The following FGF14 variants were observed in gnomAD, a reference collection of about 807,000 sequenced individuals.
FGF14 encodes fibroblast growth factor 14.
In FGF14, 5 loss-of-function variants were observed where a neutral mutation model predicts 25.5. The observed-to-expected ratio is 0.20, with a 90% CI of 0.10 to 0.41. FGF14 has a LOEUF of 0.41. Ranked by LOEUF, FGF14 falls within the 10% of genes least tolerant of loss-of-function variation. FGF14 has a pLI of 1.00. For synonymous variants in FGF14, 138 were observed against 118.3 expected, an observed-to-expected ratio of 1.17 and a Z score of -1.08; for missense variants, 222 against 320.1, an observed-to-expected ratio of 0.69 and a Z score of 2.34.
chr13:101,776,195 T>C (rs1432217592), intron 3 of FGF14, among the ~76,000 whole-genome samples: 1 of 152,180 alleles, frequency 6.6e-6, no homozygotes, highest in Non-Finnish European at 1.5e-5. Flanking sequence ...TCTTTCTGCA[T>C]CATCTCTCTG....
intron 1 of FGF14, among the ~76,000 whole-genome samples, chr13:102,380,644 T>C (rs1347095273): frequency 6.6e-6 from 1 of 152,200 alleles, no homozygotes. Flanking sequence ...AATCAAGGAA[T>C]GTTTACGTTT....
At chr13:101,849,499 C>A (rs2043636293) in intron 3 of FGF14, among the ~76,000 whole-genome samples, 1 of 152,016 alleles carries the variant, frequency 6.6e-6, no homozygotes, top group African/African-American at 2.4e-5. Flanking sequence ...GGCACAGGGG[C>A]ACTGATGTAG....
intron 1 of FGF14, among the ~76,000 whole-genome samples, chr13:101,892,856 G>C (rs568566359): frequency 6.6e-6 from 1 of 152,138 alleles, no homozygotes; most frequent in African/African-American, 2.4e-5. Context: ...GCATCACCAC[G>C]GAATGAGGAT....
At chr13:102,218,576 T>G (rs536719589) in intron 1 of FGF14, among the ~76,000 whole-genome samples, 2 of 152,094 alleles carry the variant, frequency 1.3e-5, no homozygotes, top group Non-Finnish European at 1.5e-5. Context: ...TGGTGGTCAA[T>G]GATGGGGTTC....
rs529007900 is a variant in FGF14, at chr13:102,391,352, GTTAGTATCCCCC to G, written c.208+10107_208+10118del. Among the ~76,000 whole-genome samples the G allele has an allele frequency of 3.0e-4, 46 of 152,286 alleles. 1 individual carries two copies. In the South Asian group the frequency reaches 9.3e-3, roughly 31 times the overall value. On this transcript the variant is annotated intron_variant, in intron 1 of 4. Transcript: ENST00000376131. The stretch of plus-strand genomic sequence containing the variant: ...TACTAACTATAGCATTCATGTCACA[GTTAGTATCCCCC>G]ATACAGAGTCACATCTGCCACACAT...
chr13:101,948,831 G>A (rs1348602327), intron 1 of FGF14, among the ~76,000 whole-genome samples: 1 of 152,104 alleles, frequency 6.6e-6, no homozygotes, highest in Non-Finnish European at 1.5e-5. Context: ...GGAAATGCTA[G>A]CTCAACTTTG....
intron 1 of FGF14, among the ~76,000 whole-genome samples, chr13:101,948,604 T>C (rs1025820058): frequency 6.6e-5 from 10 of 151,930 alleles, no homozygotes; most frequent in African/African-American, 2.4e-4. Context: ...GTAATGATAG[T>C]AAATGGGTTC....
At chr13:101,776,102 C>A (rs1571357) in intron 3 of FGF14, among the ~76,000 whole-genome samples, 136,413 of 152,080 alleles carry the variant, frequency 0.9, 62,767 homozygotes, top group Non-Finnish European at 0.99. Context: ...TATAGATGAA[C>A]ATTACACATA....
At chr13:101,871,412 C>A (rs2045073723) in intron 2 of FGF14, among the ~76,000 whole-genome samples, 1 of 152,066 alleles carries the variant, frequency 6.6e-6, no homozygotes, top group Non-Finnish European at 1.5e-5. Context: ...TGAAAAGCTC[C>A]TCAAATAACC....
At chr13:101,767,692 G>C (rs1332984249) in intron 3 of FGF14, among the ~76,000 whole-genome samples, 2 of 152,154 alleles carry the variant, frequency 1.3e-5, no homozygotes, top group African/African-American at 4.8e-5. Context: ...TTTTGGAGTA[G>C]AGGGAGTAGT....
intron 3 of FGF14, among the ~76,000 whole-genome samples, chr13:101,829,380 A>T (rs1008215763): frequency 6.6e-6 from 1 of 152,116 alleles, no homozygotes; most frequent in African/African-American, 2.4e-5. Flanking sequence ...AAGCAACCAT[A>T]ATAAGAGAAT....
intron 3 of FGF14, among the ~76,000 whole-genome samples, chr13:101,863,538 A>G (rs1012318159): frequency 6.6e-6 from 1 of 152,176 alleles, no homozygotes; most frequent in Non-Finnish European, 1.5e-5. Context: ...TTTTATGAGA[A>G]TCGGCATGTA....
intron 1 of FGF14, among the ~76,000 whole-genome samples, chr13:102,295,783 A>T (rs1594763562): frequency 6.6e-6 from 1 of 152,158 alleles, no homozygotes; most frequent in South Asian, 2.1e-4. Flanking sequence ...GGCAGCGACC[A>T]AGAAAATGAC....
chr13:102,320,924 A>AT (rs1379011226), intron 1 of FGF14, among the ~76,000 whole-genome samples: 6 of 152,186 alleles, frequency 3.9e-5, no homozygotes, highest in Non-Finnish European at 8.8e-5. Flanking sequence ...TCTACATAAA[A>AT]TAGACTCCCA....
chr13:102,211,897 C>T (rs1461111455), intron 1 of FGF14, among the ~76,000 whole-genome samples: 1 of 152,188 alleles, frequency 6.6e-6, no homozygotes, highest in Non-Finnish European at 1.5e-5. Flanking sequence ...CTTCTTGGTT[C>T]AATTTGACAT....
At chr13:101,953,560 G>A (rs191785416) in intron 1 of FGF14, among the ~76,000 whole-genome samples, 1,770 of 142,706 alleles carry the variant, frequency 0.012, 33 homozygotes, top group African/African-American at 0.046. Context: ...ATATATATAT[G>A]TGTGTGTGTG....
chr13:102,230,361 A>C (rs2051023973), intron 1 of FGF14, among the ~76,000 whole-genome samples: 1 of 152,254 alleles, frequency 6.6e-6, no homozygotes, highest in African/African-American at 2.4e-5. Flanking sequence ...AAAGTTAAGA[A>C]GATAACCTTT....
At chr13:101,981,884 A>T (rs2038289200) in intron 1 of FGF14, among the ~76,000 whole-genome samples, 3 of 152,212 alleles carry the variant, frequency 2.0e-5, no homozygotes, top group Admixed American at 2.0e-4. Context: ...GCAAGAGAGA[A>T]GCTAGTGGAA....
At chr13:101,863,522 G>A (rs1170813203) in intron 3 of FGF14, among the ~76,000 whole-genome samples, 2 of 152,138 alleles carry the variant, frequency 1.3e-5, no homozygotes, top group Non-Finnish European at 2.9e-5. Flanking sequence ...AGTAAATAGT[G>A]AACATTTTTA....
Sources: gnomAD v4.1 joint callset for allele counts (sites outside exome capture counted in the v4.1 genomes callset) on GRCh38, gnomAD v4.1.1 for gene constraint, MANE v1.5 for transcripts, NCBI Gene and HGNC (gene_info 2026-07-23, HGNC 2026-07-21) for gene names.